The following TRAPPC9 variants were observed in gnomAD, a reference collection of about 807,000 sequenced individuals.
The protein encoded by TRAPPC9 is trafficking protein particle complex subunit 9.
A neutral mutation model predicts 124.0 loss-of-function variants in TRAPPC9; 83 were observed. That is an observed-to-expected ratio of 0.67 (90% confidence interval 0.56 to 0.80). TRAPPC9 has a LOEUF of 0.80. Ranked by LOEUF, TRAPPC9 falls within the 30% of genes least tolerant of loss-of-function variation. The pLI, the probability that TRAPPC9 is intolerant of heterozygous loss-of-function variation, is 0.00. For missense variants in TRAPPC9, 1,302 were observed against 1,508.3 expected (o/e 0.86, Z 2.27); for synonymous variants, 638 against 617.5 (o/e 1.03, Z -0.49).
chr8:140,043,536 G>A (rs567166847), intron 17 of TRAPPC9, among the ~76,000 whole-genome samples: 37 of 152,230 alleles, frequency 2.4e-4, no homozygotes, highest in Non-Finnish European at 4.1e-4. Context: ...AACCCCAGCC[G>A]ACCATCCTGA....
At chr8:140,340,206 C>T (rs745443245) in intron 9 of TRAPPC9, among the ~76,000 whole-genome samples, 9 of 152,164 alleles carry the variant, frequency 5.9e-5, no homozygotes, top group Admixed American at 1.3e-4. Context: ...GAGTCAGACA[C>T]AGTCAAAAAT....
intron 21 of TRAPPC9, among the ~76,000 whole-genome samples, chr8:139,843,338 T>C (rs1287463681): frequency 6.6e-6 from 1 of 152,234 alleles, no homozygotes; most frequent in Non-Finnish European, 1.5e-5. Context: ...ACTGGCTCAC[T>C]GCTCTCTGGG....
At chr8:139,925,296 G>C (rs977204966) in intron 19 of TRAPPC9, among the ~76,000 whole-genome samples, 14 of 152,344 alleles carry the variant, frequency 9.2e-5, no homozygotes, top group African/African-American at 3.1e-4. Flanking sequence ...TTTCTGCCCA[G>C]GAAAAGGGGT....
chr8:140,304,671 G>A (rs553769528), intron 10 of TRAPPC9, among the ~76,000 whole-genome samples: 104 of 152,150 alleles, frequency 6.8e-4, no homozygotes, highest in Non-Finnish European at 1.1e-3. Context: ...TTAACAACAC[G>A]AGCCCGCTCC....
intron 17 of TRAPPC9, among the ~76,000 whole-genome samples, chr8:140,053,190 T>C (rs1341567753): frequency 2.6e-5 from 4 of 152,136 alleles, no homozygotes; most frequent in East Asian, 1.9e-4. Flanking sequence ...GACAGAACAT[T>C]TACTTAGTCT....
At chr8:139,951,058 C>T (rs1344718705) in intron 19 of TRAPPC9, among the ~76,000 whole-genome samples, 2 of 152,192 alleles carry the variant, frequency 1.3e-5, no homozygotes, top group African/African-American at 4.8e-5. Context: ...CCCACCGCCA[C>T]CTCCCCACCT....
intron 21 of TRAPPC9, among the ~76,000 whole-genome samples, chr8:139,743,283 G>A (rs892630326): frequency 3.3e-5 from 5 of 152,308 alleles, no homozygotes; most frequent in East Asian, 1.9e-4. Flanking sequence ...AACTCCCAGC[G>A]ACGCCTCCCC....
intron 19 of TRAPPC9, chr8:139,932,569 C>T (rs935194938): frequency 6.6e-6 from 3 of 453,594 alleles, no homozygotes; most frequent in Admixed American, 2.4e-5. Flanking sequence ...TCGAGACCAG[C>T]CTGGACAACA....
chr8:140,457,908 ACATGGGGAGGGAGGAGGAGGAG>A, upstream of TRAPPC9: 1 of 563,918 alleles, frequency 1.8e-6, no homozygotes, highest in Non-Finnish European at 2.5e-6. Context: ...GAGGGAGGGG[ACATGGGGAGGGAGGAGGAGGAG>A]GGAGGAGGGA....
intron 19 of TRAPPC9, among the ~76,000 whole-genome samples, chr8:139,964,222 C>A (rs2131577440): frequency 2.7e-5 from 1 of 37,130 alleles, no homozygotes; most frequent in South Asian, 1.6e-3. Flanking sequence ...AAGACTCTGT[C>A]TCAAAAAAAA....
chr8:140,225,806 C>T (rs973384241), intron 16 of TRAPPC9, among the ~76,000 whole-genome samples: 3 of 152,146 alleles, frequency 2.0e-5, no homozygotes, highest in African/African-American at 7.2e-5. Context: ...TATCTCCACC[C>T]CTCTCTCTGA....
intron 17 of TRAPPC9, among the ~76,000 whole-genome samples, chr8:140,169,894 T>C (rs2061932252): frequency 6.6e-6 from 1 of 152,088 alleles, no homozygotes; most frequent in Non-Finnish European, 1.5e-5. Context: ...TGCACCGCCA[T>C]GCTCAGCTAG....
chr8:139,828,307 C>T (rs4576408), intron 21 of TRAPPC9, among the ~76,000 whole-genome samples: 83,810 of 151,990 alleles, frequency 0.55, 25,084 homozygotes, highest in African/African-American at 0.77. Flanking sequence ...GGACAGAATA[C>T]CCTCTACTCT....
intron 21 of TRAPPC9, among the ~76,000 whole-genome samples, chr8:139,740,683 T>G (rs1818494695): frequency 6.6e-6 from 1 of 152,204 alleles, no homozygotes; most frequent in Non-Finnish European, 1.5e-5. Flanking sequence ...GGGAGGCAGT[T>G]CCAGTGGTGA....
intron 9 of TRAPPC9, among the ~76,000 whole-genome samples, chr8:140,325,906 C>G (rs1283525141): frequency 6.6e-6 from 1 of 152,008 alleles, no homozygotes; most frequent in Admixed American, 6.6e-5. Flanking sequence ...AGAGACCCCC[C>G]CAAAAACACC....
At chr8:139,895,118 G>A (rs977511827) in intron 20 of TRAPPC9, among the ~76,000 whole-genome samples, 14 of 152,160 alleles carry the variant, frequency 9.2e-5, no homozygotes, top group African/African-American at 2.2e-4. Flanking sequence ...AACTCCAGAG[G>A]CCAGGCTCTT....
At position 139,829,059 on chromosome 8, in the gene TRAPPC9, C is replaced by T. The variant is rs754451340; in HGVS notation, c.3055+56820G>A. ...AGAATGGAGGAAGAAAAAAAATGCC[C>T]GCAGATCAACATGGCAAGCTTCTCT... On this transcript the variant is annotated intron_variant, in intron 21 of 22. Transcript: ENST00000438773. Among the ~76,000 whole-genome samples the T allele has an allele frequency of 2.4e-4, 37 of 152,168 alleles. 1 individual carries two copies. Among genetic ancestry groups the T allele is most frequent in the Non-Finnish European group, 1.8e-4 (12 of 68,030 alleles).
chr8:139,803,711 G>A (rs557984411), intron 21 of TRAPPC9, among the ~76,000 whole-genome samples: 31 of 152,312 alleles, frequency 2.0e-4, no homozygotes, highest in Non-Finnish European at 4.1e-4. Flanking sequence ...TCTCAAAGGC[G>A]ATATGTGGCT....
chr8:140,031,374 C>G (rs547178029), intron 17 of TRAPPC9, among the ~76,000 whole-genome samples: 1 of 152,282 alleles, frequency 6.6e-6, no homozygotes, highest in Non-Finnish European at 1.5e-5. Flanking sequence ...ATTTTCCTAA[C>G]GTTCCACAAC....
Sources: gnomAD v4.1 joint callset for allele counts (sites outside exome capture counted in the v4.1 genomes callset) on GRCh38, gnomAD v4.1.1 for gene constraint, MANE v1.5 for transcripts, NCBI Gene and HGNC (gene_info 2026-07-23, HGNC 2026-07-21) for gene names.